The following CORO2B variants were observed in gnomAD, a reference collection of about 807,000 sequenced individuals.
The protein encoded by CORO2B is coronin 2B, also known as coronin-2B.
Under a neutral mutation model 58.8 loss-of-function variants are expected in CORO2B, and 26 were observed. The observed-to-expected ratio is 0.44, with a 90% CI of 0.32 to 0.61. The LOEUF (loss-of-function observed/expected upper bound fraction) is 0.61. Among genes scored for constraint, CORO2B ranks in the 20% least tolerant of loss-of-function variants. The probability of loss-of-function intolerance (pLI) is 0.04; values close to 1 mark genes in which losing one functional copy is unlikely to be tolerated. For missense variants in CORO2B, 460 were observed against 645.1 expected, an observed-to-expected ratio of 0.71 and a Z score of 3.11; for synonymous variants, 242 against 253.8, an observed-to-expected ratio of 0.95 and a Z score of 0.44.
At chr15:68,670,969 T>A (rs1039081852) in intron 2 of CORO2B, among the ~76,000 whole-genome samples, 1 of 152,228 alleles carries the variant, frequency 6.6e-6, no homozygotes. Context: ...TTTATCTTTT[T>A]AAAAATTCAT....
At chr15:68,681,740 G>A (rs1336140835) in intron 2 of CORO2B, among the ~76,000 whole-genome samples, 7 of 152,118 alleles carry the variant, frequency 4.6e-5, no homozygotes, top group African/African-American at 1.4e-4. Flanking sequence ...ACTAAGTCAG[G>A]ATTCCTGCTG....
intron 1 of CORO2B, among the ~76,000 whole-genome samples, chr15:68,632,667 T>C (rs1421371595): frequency 6.6e-6 from 1 of 152,248 alleles, no homozygotes; most frequent in East Asian, 1.9e-4. Flanking sequence ...CTTGGCTCAC[T>C]GCATCCTCCA....
intron 1 of CORO2B, among the ~76,000 whole-genome samples, chr15:68,600,770 G>A (rs1035363902): frequency 3.1e-4 from 47 of 152,228 alleles, no homozygotes; most frequent in African/African-American, 1.1e-3. Flanking sequence ...CAGTAAATGG[G>A]ACAGCCCTGG....
intron 1 of CORO2B, among the ~76,000 whole-genome samples, chr15:68,642,931 C>T (rs757977046): frequency 4.6e-5 from 7 of 152,162 alleles, no homozygotes; most frequent in South Asian, 2.1e-4. Context: ...ACTGTGGCAT[C>T]GAGAATGTTC....
At chr15:68,576,152 C>CAAAAAAAAAAAAAAAAAAAAAAAAA (rs3985627), upstream of CORO2B, among the ~76,000 whole-genome samples, 1 of 62,190 alleles carries the variant, frequency 1.6e-5, no homozygotes. Flanking sequence ...GACTACGTCG[C>CAAAAAAAAAAAAAAAAAAAAAAAAA]AAAAAAAAAA....
intron 1 of CORO2B, among the ~76,000 whole-genome samples, chr15:68,595,283 G>T (rs117249052): frequency 2.6e-5 from 4 of 152,324 alleles, no homozygotes; most frequent in East Asian, 3.9e-4. Context: ...CTCCAGCTAA[G>T]CCCTGCTGTC....
At chr15:68,678,373 C>T (rs528237438) in intron 2 of CORO2B, among the ~76,000 whole-genome samples, 7 of 152,208 alleles carry the variant, frequency 4.6e-5, no homozygotes, top group South Asian at 2.1e-4. Flanking sequence ...CCAGGCCTGT[C>T]GGGCAATAAC....
At chr15:68,701,633 G>C (rs1434657890) in intron 3 of CORO2B, among the ~76,000 whole-genome samples, 3 of 151,422 alleles carry the variant, frequency 2.0e-5, no homozygotes, top group Non-Finnish European at 2.9e-5. Flanking sequence ...CTACAGGTGC[G>C]CGCCACCATG....
Position 68,621,177 on chromosome 15 carries a change from C to T in CORO2B, c.16-23983C>T, listed in dbSNP as rs555410302. On this transcript the variant is annotated intron_variant, in intron 1 of 11. Coordinates refer to ENST00000261861, the MANE Select transcript of CORO2B (RefSeq NM_006091.5). ...GCCATAAGCAATGTAGCCACAGCGT[C>T]TAATGAGCAATTGAGCATCTTGGAG... Among the ~76,000 whole-genome samples the T allele has an allele frequency of 7.2e-4, 110 of 152,324 alleles. 1 individual carries two copies. The South Asian group carries it at 0.014, about 19-fold the overall frequency.
Position 68,721,566 on chromosome 15 carries a change from C to T in CORO2B, c.1311+2014C>T, listed in dbSNP as rs143303779. ...ACTAAAAATACAAAAATTAGCCAGG[C>T]GTGGTGGTGCGCGCCTGTAATCCCA... On this transcript the variant is annotated intron_variant, in intron 11 of 11. Coordinates refer to ENST00000261861, the MANE Select transcript of CORO2B (RefSeq NM_006091.5). 1.9e-3 allele frequency among the ~76,000 whole-genome samples: 289 copies of T among 151,994 alleles called. 10 individuals carry two copies. In the East Asian group the frequency reaches 0.05, roughly 26 times the overall value.
Position 68,710,825 on chromosome 15 carries a change from G to C in CORO2B, c.427G>C (p.Val143Leu). The stretch of plus-strand genomic sequence containing the variant: ...CGGGCACAGCCGGCGTGTGGGGCTG[G>C]TCGAGTGGCACCCCACCACCAACAA... The part of the protein sequence containing the change: ...LHGHSRRVGL[V>L]EWHPTTNNIL... Residue 143 changes from valine to leucine, a missense_variant, in exon 4 of 12, where the codon GTC becomes CTC. This residue lies in a region of CORO2B where 352 missense variants were observed against 543.0 expected (regional missense o/e 0.65). Transcript: ENST00000261861. This position sits in a 1 kb window ranked among gnomAD's most constrained non-coding sequence, Gnocchi z 4.1. The C allele has an allele frequency of 6.2e-7, 1 of 1,611,614 alleles. No individual in the cohort carries two copies. The highest frequency in any genetic ancestry group is 1.1e-5 in the South Asian group (1 of 90,202).
the CORO2B span, among the ~76,000 whole-genome samples, chr15:68,541,604 T>A: frequency 1.0e-3 from 155 of 152,338 alleles, 1 homozygote; most frequent in Middle Eastern, 0.01. Flanking sequence ...CATCTAGAGC[T>A]AATCATCCCC....
intron 1 of CORO2B, among the ~76,000 whole-genome samples, chr15:68,605,959 T>C (rs529703270): frequency 1.3e-4 from 20 of 152,028 alleles, no homozygotes; most frequent in Non-Finnish European, 2.6e-4. Context: ...CTCCTGAACT[T>C]GTGATTCGCC....
the CORO2B span, among the ~76,000 whole-genome samples, chr15:68,524,860 T>C: frequency 6.6e-6 from 1 of 152,250 alleles, no homozygotes; most frequent in Non-Finnish European, 1.5e-5. Context: ...ATTTATATTA[T>C]GTTGCAGCAG....
intron 8 of CORO2B, among the ~76,000 whole-genome samples, chr15:68,717,619 T>A (rs917182351): frequency 6.6e-6 from 1 of 152,232 alleles, no homozygotes; most frequent in Non-Finnish European, 1.5e-5. Context: ...TTTGCTGTGA[T>A]GTAGGCACTT....
chr15:68,625,244 A>G (rs949863988), intron 1 of CORO2B, among the ~76,000 whole-genome samples: 2 of 151,846 alleles, frequency 1.3e-5, no homozygotes, highest in African/African-American at 4.8e-5. Flanking sequence ...CTCTATCTAG[A>G]ATGGAGACAA....
upstream of CORO2B, among the ~76,000 whole-genome samples, chr15:68,574,790 G>A (rs1899247321): frequency 6.6e-6 from 1 of 152,182 alleles, no homozygotes; most frequent in South Asian, 2.1e-4. Flanking sequence ...AGGCGACCAT[G>A]GATACAGCGC....
chr15:68,557,982 TA>T, the CORO2B span, among the ~76,000 whole-genome samples: 1 of 151,848 alleles, frequency 6.6e-6, no homozygotes, highest in South Asian at 2.1e-4. Context: ...CACCTTAAGG[TA>T]AATGAAGGGC....
the CORO2B span, among the ~76,000 whole-genome samples, chr15:68,542,649 C>T: frequency 1.4e-4 from 21 of 152,242 alleles, no homozygotes; most frequent in Admixed American, 9.2e-4. Flanking sequence ...CGTGGCAATA[C>T]CTGCTTTCAT....
Sources: gnomAD v4.1 joint callset for allele counts (sites outside exome capture counted in the v4.1 genomes callset) on GRCh38, gnomAD v4.1.1 for gene constraint, gnomAD v4.1.1 regional missense constraint, Gnocchi (gnomAD v3.1) non-coding constraint, MANE v1.5 for transcripts, NCBI Gene and HGNC (gene_info 2026-07-23, HGNC 2026-07-21) for gene names.